Variants in NRG3 observed in about 807,000 individuals in gnomAD.
NRG3 encodes pro-neuregulin-3, membrane-bound isoform.
A neutral mutation model predicts 66.9 loss-of-function variants in NRG3; 31 were observed. The observed-to-expected ratio is 0.46, with a 90% CI of 0.35 to 0.63. The LOEUF is 0.63. NRG3 is among the 20% of genes least tolerant of loss of function. The pLI is 0.00. For synonymous variants in NRG3, 393 were observed against 359.4 expected (o/e 1.09, Z -1.06); for missense variants, 910 against 878.9 (o/e 1.04, Z -0.45).
At chr10:82,001,778 A>G (rs1353596030) in intron 1 of NRG3, among the ~76,000 whole-genome samples, 1 of 152,252 alleles carries the variant, frequency 6.6e-6, no homozygotes. Context: ...ATTTCCAGTT[A>G]ACTGAAATAT....
intron 1 of NRG3, among the ~76,000 whole-genome samples, chr10:81,877,494 T>C (rs1282948438): frequency 6.6e-6 from 1 of 152,320 alleles, no homozygotes; most frequent in Middle Eastern, 3.4e-3. Flanking sequence ...ATACTGGGTT[T>C]GCTTTCAGTC....
intron 2 of NRG3, among the ~76,000 whole-genome samples, chr10:82,562,914 G>A (rs562005539): frequency 6.6e-6 from 1 of 152,158 alleles, no homozygotes; most frequent in East Asian, 1.9e-4. Context: ...TTCCAGTCAC[G>A]TTTTAGTGGC....
At chr10:82,233,418 G>T (rs2076596572) in intron 1 of NRG3, among the ~76,000 whole-genome samples, 2 of 152,128 alleles carry the variant, frequency 1.3e-5, no homozygotes, top group Non-Finnish European at 1.5e-5. Context: ...AAGCAAAGGT[G>T]ATCTCTTCCC....
intron 2 of NRG3, among the ~76,000 whole-genome samples, chr10:82,719,770 T>C (rs2057187149): frequency 3.3e-5 from 5 of 152,226 alleles, no homozygotes; most frequent in Admixed American, 3.3e-4. Context: ...CCTGCTTAGC[T>C]TCTTGCCACT....
intron 1 of NRG3, among the ~76,000 whole-genome samples, chr10:81,996,704 A>G (rs2060952337): frequency 6.6e-6 from 1 of 151,882 alleles, no homozygotes; most frequent in African/African-American, 2.4e-5. Flanking sequence ...GAGGCAGGAG[A>G]GAAAAGAAAG....
At chr10:81,928,663 AT>A (rs1395238275) in intron 1 of NRG3, among the ~76,000 whole-genome samples, 1 of 152,232 alleles carries the variant, frequency 6.6e-6, no homozygotes, top group Non-Finnish European at 1.5e-5. Flanking sequence ...GCAAAAATGT[AT>A]AAATATCCTA....
intron 3 of NRG3, among the ~76,000 whole-genome samples, chr10:82,747,058 G>A (rs1591394097): frequency 6.6e-6 from 1 of 152,058 alleles, no homozygotes. Flanking sequence ...ACTCCAGCCT[G>A]GGTGATGTAG....
intron 1 of NRG3, among the ~76,000 whole-genome samples, chr10:82,299,837 C>CA (rs1221841294): frequency 6.6e-6 from 1 of 151,920 alleles, no homozygotes; most frequent in African/African-American, 2.4e-5. Context: ...CCAAGGGATG[C>CA]AAAAAACCAT....
chr10:82,486,239 A>G (rs1026501444), intron 2 of NRG3, among the ~76,000 whole-genome samples: 4 of 152,202 alleles, frequency 2.6e-5, no homozygotes, highest in Non-Finnish European at 5.9e-5. Context: ...TACTACTGAA[A>G]ACAGTATGAA....
intron 2 of NRG3, among the ~76,000 whole-genome samples, chr10:82,647,174 T>C (rs996185184): frequency 6.6e-6 from 1 of 151,768 alleles, no homozygotes; most frequent in Non-Finnish European, 1.5e-5. Context: ...CCCACAACAG[T>C]CCCCAGAGTG....
chr10:82,792,012 G>A (rs552250459), intron 3 of NRG3, among the ~76,000 whole-genome samples: 12 of 152,248 alleles, frequency 7.9e-5, no homozygotes, highest in African/African-American at 2.9e-4. Context: ...TGGGGAAAGG[G>A]GGATGGAAAT....
At chr10:82,880,392 A>C (rs1407042301) in intron 4 of NRG3, among the ~76,000 whole-genome samples, 2 of 152,172 alleles carry the variant, frequency 1.3e-5, no homozygotes, top group African/African-American at 4.8e-5. Context: ...CAGGGCACAG[A>C]AAGTTAGTCT....
At chr10:82,087,993 G>T (rs1262958270) in intron 1 of NRG3, among the ~76,000 whole-genome samples, 2 of 152,136 alleles carry the variant, frequency 1.3e-5, no homozygotes, top group Non-Finnish European at 2.9e-5. Context: ...AGAGTAGGTA[G>T]GGTCTGGAGA....
intron 1 of NRG3, among the ~76,000 whole-genome samples, chr10:82,328,375 T>G (rs947285669): frequency 6.6e-6 from 1 of 152,164 alleles, no homozygotes; most frequent in African/African-American, 2.4e-5. Flanking sequence ...TAAATTAAAG[T>G]TTTAAATTAA....
chr10:82,712,621 G>A (rs566539309), intron 2 of NRG3, among the ~76,000 whole-genome samples: 12 of 152,300 alleles, frequency 7.9e-5, no homozygotes, highest in Admixed American at 3.3e-4. Context: ...GGGCAGAGAG[G>A]CTGGATGCTC....
chr10:82,686,027 T>G (rs1447599397), intron 2 of NRG3, among the ~76,000 whole-genome samples: 1 of 152,132 alleles, frequency 6.6e-6, no homozygotes, highest in African/African-American at 2.4e-5. Flanking sequence ...ACAGTTAACA[T>G]TTTTTCTTTT....
chr10:82,205,614 A>G (rs568876682), intron 1 of NRG3, among the ~76,000 whole-genome samples: 37 of 152,174 alleles, frequency 2.4e-4, no homozygotes, highest in Non-Finnish European at 4.3e-4. Context: ...CATGTGGAAA[A>G]GAGCTCTGGA....
At chr10:82,576,220 GTTTTTATATTCCTAC>G (rs1301789454) in intron 2 of NRG3, among the ~76,000 whole-genome samples, 1 of 151,488 alleles carries the variant, frequency 6.6e-6, no homozygotes, top group East Asian at 1.9e-4. Flanking sequence ...TTTGCTGGAT[GTTTTTATATTCCTAC>G]ATTTTAAATA....
chr10:82,597,386 C>A (rs1393210369), intron 2 of NRG3, among the ~76,000 whole-genome samples: 1 of 152,194 alleles, frequency 6.6e-6, no homozygotes, highest in Admixed American at 6.5e-5. Flanking sequence ...CTTGAAACTC[C>A]TTGCACATTT....
Sources: gnomAD v4.1 joint callset for allele counts (sites outside exome capture counted in the v4.1 genomes callset) on GRCh38, gnomAD v4.1.1 for gene constraint, MANE v1.5 for transcripts, NCBI Gene and HGNC (gene_info 2026-07-23, HGNC 2026-07-21) for gene names.